Variants in MAN2A1 observed in about 807,000 individuals in gnomAD.
MAN2A1 encodes alpha-mannosidase 2.
In MAN2A1, 76 loss-of-function variants were observed where a neutral mutation model predicts 142.6. The observed-to-expected ratio is 0.53, with a 90% CI of 0.44 to 0.65. The LOEUF is 0.65. Ranked by LOEUF, MAN2A1 falls within the 30% of genes least tolerant of loss-of-function variation. The pLI is 0.00. For missense variants in MAN2A1, 1,311 were observed against 1,365.1 expected, an observed-to-expected ratio of 0.96 and a Z score of 0.62; for synonymous variants, 559 against 473.2, an observed-to-expected ratio of 1.18 and a Z score of -2.35.
intron 11 of MAN2A1, 56 bp from the exon 12 acceptor site, chr5:109,789,404 A>G: frequency 1.0e-6 from 1 of 984,740 alleles, no homozygotes; most frequent in Middle Eastern, 3.3e-4. Flanking sequence ...TTCTGGTTTC[A>G]GGATGAGTCC....
chr5:109,693,319 A>G (rs1204551914), intron 1 of MAN2A1, among the ~76,000 whole-genome samples: 1 of 151,802 alleles, frequency 6.6e-6, no homozygotes, highest in Non-Finnish European at 1.5e-5. Flanking sequence ...ATAATACCAA[A>G]CATAGCAAAA....
chr5:109,746,171 C>T (rs551258693), intron 4 of MAN2A1, among the ~76,000 whole-genome samples: 8 of 152,038 alleles, frequency 5.3e-5, no homozygotes, highest in African/African-American at 9.7e-5. Flanking sequence ...GATGGGGTTT[C>T]GCCATGTTGG....
intron 7 of MAN2A1, among the ~76,000 whole-genome samples, chr5:109,771,913 C>T (rs1294807285): frequency 6.6e-6 from 1 of 152,048 alleles, no homozygotes; most frequent in African/African-American, 2.4e-5. Flanking sequence ...CTGAGACTAC[C>T]TGAGGCACAT....
At chr5:109,847,152 T>G (rs1755364401) in intron 18 of MAN2A1, among the ~76,000 whole-genome samples, 1 of 152,186 alleles carries the variant, frequency 6.6e-6, no homozygotes, top group Non-Finnish European at 1.5e-5. Flanking sequence ...GCCACTCATT[T>G]TTAAACACTG....
intron 19 of MAN2A1, among the ~76,000 whole-genome samples, chr5:109,852,178 C>T (rs1420462546): frequency 2.6e-5 from 4 of 151,650 alleles, no homozygotes; most frequent in African/African-American, 9.7e-5. Flanking sequence ...CCATACAGAC[C>T]TACCAAAATG....
chr5:109,838,115 G>A (rs1755104134), intron 16 of MAN2A1, among the ~76,000 whole-genome samples: 1 of 151,718 alleles, frequency 6.6e-6, no homozygotes, highest in Non-Finnish European at 1.5e-5. Context: ...AGCATCTATA[G>A]AACACTCTGA....
chr5:109,719,069 C>T (rs931967132), intron 3 of MAN2A1, among the ~76,000 whole-genome samples: 3 of 149,260 alleles, frequency 2.0e-5, no homozygotes, highest in African/African-American at 5.0e-5. Context: ...GGATTGCCCT[C>T]GATTTTTAGA....
chr5:109,730,518 TC>T (rs1426138194), intron 4 of MAN2A1, among the ~76,000 whole-genome samples: 3 of 151,178 alleles, frequency 2.0e-5, no homozygotes, highest in African/African-American at 7.4e-5. Context: ...CTTTTTTTCT[TC>T]CTAATTTCAT....
In MAN2A1 at chr5:109,713,600, T is replaced by C. The variant is rs1267591762; in HGVS notation, c.216T>C (p.Ile72=). Residue 72 remains isoleucine, a synonymous_variant, in exon 2 of 22, where the codon ATT becomes ATC. Transcript: ENST00000261483. ...LAENNEIISN[I]RDSVINLSES... ...AGAATAATGAGATCATCTCAAATAT[T>C]AGAGACTCAGTCATCAATTTGAGTG... 1 of 1,613,976 alleles carries C rather than the reference T, an allele frequency of 6.2e-7. No homozygotes were observed. The highest frequency in any genetic ancestry group is 8.5e-7 in the Non-Finnish European group (1 of 1,179,802).
At chr5:109,739,572 C>T (rs1430327119) in intron 4 of MAN2A1, among the ~76,000 whole-genome samples, 1 of 152,164 alleles carries the variant, frequency 6.6e-6, no homozygotes, top group Non-Finnish European at 1.5e-5. Flanking sequence ...AACTTTACTT[C>T]TGTGCTTTTT....
intron 3 of MAN2A1, among the ~76,000 whole-genome samples, chr5:109,722,703 A>G (rs548895389): frequency 1.9e-3 from 284 of 152,262 alleles, no homozygotes; most frequent in Non-Finnish European, 3.5e-3. Flanking sequence ...GACTTAAGCC[A>G]CCGTACCTAG....
rs1754565993 is a variant in MAN2A1, at chr5:109,819,603, A to T, written c.2110-66A>T. ...ATAGTTTGTTGGTTTTACCAAAAAT[A>T]TAAATGGTTTGCCTCTCAGTAGATA... On this transcript the variant is annotated intron_variant, in intron 13 of 21. Transcript: ENST00000261483. The T allele has an allele frequency of 1.1e-5, 11 of 962,198 alleles. No individual in the cohort carries two copies. The South Asian group carries it at 1.6e-4, about 14-fold the overall frequency. The allele number at this position is 962,198 out of a possible 1,614,324, so 59.6% of individuals were successfully genotyped here. A position where few individuals can be genotyped will look rare whatever the true frequency, so the allele number is the denominator to read the frequency against.
chr5:109,863,562 C>T (rs1755808903), intron 20 of MAN2A1: 1 of 152,202 alleles, frequency 6.6e-6, no homozygotes, highest in South Asian at 2.1e-4. Flanking sequence ...GTATTTTCAA[C>T]AGGTTAATCC....
In MAN2A1 at chr5:109,819,710, G is replaced by A. The variant is rs1017492387; in HGVS notation, c.2151G>A (p.Val717=). ...ATATACCGCCATTGGGACTGAAAGT[G>A]TATAAGATTTTGGAATCAGCAAGTT... ...RAHIPPLGLK[V]YKILESASSN... is the part of the protein sequence containing the mutation. Residue 717 remains valine, a synonymous_variant, in exon 14 of 22, where the codon GTG becomes GTA. Transcript: ENST00000261483. 5 of 1,611,642 alleles carry A rather than the reference G, an allele frequency of 3.1e-6. No individual in the cohort carries two copies. Among genetic ancestry groups the A allele is most frequent in the African/African-American group, 2.7e-5 (2 of 74,804 alleles).
intron 4 of MAN2A1, among the ~76,000 whole-genome samples, chr5:109,737,762 T>C (rs1752146770): frequency 6.6e-6 from 1 of 152,198 alleles, no homozygotes; most frequent in South Asian, 2.1e-4. Flanking sequence ...AATCCAGTTT[T>C]ACCTGTGTTA....
At chr5:109,716,930 A>G (rs1473319671) in intron 3 of MAN2A1, among the ~76,000 whole-genome samples, 1 of 152,134 alleles carries the variant, frequency 6.6e-6, no homozygotes, top group Non-Finnish European at 1.5e-5. Context: ...GGGACCACAG[A>G]TTCCTCCCTT....
intron 16 of MAN2A1, among the ~76,000 whole-genome samples, chr5:109,831,771 G>T (rs1754912502): frequency 6.6e-6 from 1 of 151,622 alleles, no homozygotes; most frequent in South Asian, 2.1e-4. Flanking sequence ...CTTGTTATTG[G>T]TCAGTCTTTC....
At chr5:109,853,629 G>A (rs1277263573) in intron 19 of MAN2A1, 1 of 152,130 alleles carries the variant, frequency 6.6e-6, no homozygotes, top group Non-Finnish European at 1.5e-5. Flanking sequence ...GATTTGATGA[G>A]GGAGGTGTTT....
chr5:109,793,928 C>T (rs1257025281), intron 12 of MAN2A1, among the ~76,000 whole-genome samples: 2 of 152,118 alleles, frequency 1.3e-5, no homozygotes, highest in African/African-American at 2.4e-5. Flanking sequence ...ATTCTTCTGG[C>T]ACTAATTATC....
Sources: allele counts gnomAD v4.1 joint callset (sites outside exome capture counted in the v4.1 genomes callset), GRCh38; gene constraint gnomAD v4.1.1; transcripts MANE v1.5; gene names NCBI Gene and HGNC (gene_info 2026-07-23, HGNC 2026-07-21).